HUWE1: variants seen among roughly 807,000 people sequenced by gnomAD.
HUWE1 encodes E3 ubiquitin-protein ligase HUWE1.
Under a neutral mutation model 299.4 loss-of-function variants are expected in HUWE1, and 18 were observed. The observed-to-expected ratio is 0.06, with a 90% confidence interval of 0.04 to 0.09. The LOEUF (loss-of-function observed/expected upper bound fraction) is 0.09, where lower values mean the gene tolerates loss of function less well. Among genes scored for constraint, HUWE1 ranks in the 10% least tolerant of loss-of-function variants. The pLI, the probability that HUWE1 is intolerant of heterozygous loss-of-function variation, is 1.00. For synonymous variants in HUWE1, 1,317 were observed against 1,286.1 expected (o/e 1.02, Z -0.51); for missense variants, 1,832 against 3,462.3 (o/e 0.53, Z 11.82).
At chrX:53,658,750 T>C (rs940044809) in intron 3 of HUWE1, among the ~76,000 whole-genome samples, 1 of 112,541 alleles carries the variant, frequency 8.9e-6, no homozygotes, top group Non-Finnish European at 1.9e-5. Flanking sequence ...TATTCTGCTC[T>C]GTAAAAGACA....
intron 43 of HUWE1, among the ~76,000 whole-genome samples, chrX:53,579,080 A>G (rs1383636471): frequency 1.3e-5 from 1 of 74,468 alleles, no homozygotes; most frequent in Non-Finnish European, 2.5e-5. Context: ...TGGGGGGGTC[A>G]GCCCTCCGCC....
At chrX:53,610,845 T>C (rs782546486) in intron 23 of HUWE1, among the ~76,000 whole-genome samples, 2 of 111,696 alleles carry the variant, frequency 1.8e-5, no homozygotes, top group East Asian at 5.6e-4. Flanking sequence ...TCTTTCAAGC[T>C]GCTCATGAGT....
chrX:53,658,353 T>C (rs1192714740), intron 3 of HUWE1, among the ~76,000 whole-genome samples: 8 of 111,626 alleles, frequency 7.2e-5, no homozygotes, highest in Admixed American at 1.9e-4. Flanking sequence ...ATATGAATAC[T>C]GACAAACTGA....
chrX:53,629,243 G>A (rs890680762), intron 13 of HUWE1, among the ~76,000 whole-genome samples: 2 of 111,572 alleles, frequency 1.8e-5, no homozygotes, highest in African/African-American at 6.5e-5. Flanking sequence ...CTGCATGCCA[G>A]AAGTGGAAAA....
intron 82 of HUWE1, 142 bp downstream of exon 82, chrX:53,534,374 G>A (rs186714528): frequency 3.0e-6 from 2 of 659,751 alleles, no homozygotes; most frequent in African/African-American, 2.2e-5. Flanking sequence ...TATGCTTCAG[G>A]AGAACAAAGA....
Position 53,647,565 on chromosome X carries a change from A to G in HUWE1, c.154T>C (p.Tyr52His), listed in dbSNP as rs2068137432. The G allele has an allele frequency of 1.7e-6, 2 of 1,198,933 alleles. No homozygotes were observed. Among genetic ancestry groups the G allele is most frequent in the East Asian group, 3.0e-5 (1 of 33,808 alleles). Residue 52 changes from tyrosine to histidine, a missense_variant, in exon 6 of 84, where the codon TAT becomes CAT. Coordinates refer to ENST00000262854, the MANE Select transcript of HUWE1 (RefSeq NM_031407.7). ...CGGTCCAACAGGTCCACCCAGTGAT[A>G]TAACTCGCACTGGAGAGGGGAGGAA... ...KTWNIGKCEL[Y>H]HWVDLLDRFD...
chrX:53,627,703 T>TA, intron 16 of HUWE1, 36 bp downstream of exon 16: 1 of 1,153,548 alleles, frequency 8.7e-7, no homozygotes, highest in South Asian at 1.8e-5. Context: ...CTCTGAGTAT[T>TA]AAATTCTGTG....
intron 43 of HUWE1, among the ~76,000 whole-genome samples, chrX:53,577,892 C>T (rs1446509069): frequency 1.8e-5 from 2 of 113,658 alleles, no homozygotes; most frequent in African/African-American, 6.3e-5. Flanking sequence ...CTCCCAGCCG[C>T]CTGCCTTGGC....
In HUWE1 at chrX:53,645,398, A is replaced by G; in HGVS notation, c.417T>C (p.Tyr139=). The G allele has an allele frequency of 8.3e-7, 1 of 1,209,610 alleles. No homozygotes were observed. Among genetic ancestry groups the G allele is most frequent in the Non-Finnish European group, 1.1e-6 (1 of 894,154 alleles). The change falls in exon 7 of 84, where the codon TAT becomes TAC. Residue 139 remains tyrosine (Y), a synonymous_variant. Coordinates refer to ENST00000262854, the MANE Select transcript of HUWE1 (RefSeq NM_031407.7). ...TGTAGTTTGATCTTTTGCTAAATACATATAGGAGATTGAGGACTGCCAGCA... is the reference window on the plus strand; with the variant it reads ...TGTAGTTTGATCTTTTGCTAAATACGTATAGGAGATTGAGGACTGCCAGCA... The part of the protein sequence containing the change: ...QVVLAVLNLL[Y]VFSKRSNYIT...
chrX:53,648,649 A>T (rs1557037939), intron 4 of HUWE1, among the ~76,000 whole-genome samples: 1 of 37,397 alleles, frequency 2.7e-5, no homozygotes, highest in Admixed American at 4.0e-4. Flanking sequence ...TAAGTTAAAC[A>T]TCTAAAAAAA....
chrX:53,652,772 A>C, intron 4 of HUWE1, among the ~76,000 whole-genome samples: 1 of 112,713 alleles, frequency 8.9e-6, no homozygotes, highest in Non-Finnish European at 1.9e-5. Context: ...GATAACTGAT[A>C]TAGAACAGTG....
rs782737329 is a variant in HUWE1, at chrX:53,538,817, C to A, written c.11878+18G>T. 1 of 1,197,841 alleles carries A rather than the reference C, an allele frequency of 8.3e-7. No individual in the cohort carries two copies. Among genetic ancestry groups the A allele is most frequent in the South Asian group, 1.8e-5 (1 of 55,273 alleles). ...AAATGAAGCCTTCTACACCTGGCAG[C>A]CTAAAAGTTCCCTGTACCTGCAAAG... On this transcript the variant is annotated intron_variant, in intron 76 of 83. Coordinates refer to ENST00000262854, the MANE Select transcript of HUWE1 (RefSeq NM_031407.7).
Position 53,533,171 on chromosome X carries a change from GCAGCTGGGA to G in HUWE1, c.*129_*137del. 2 of 491,876 alleles carry G rather than the reference GCAGCTGGGA, an allele frequency of 4.1e-6. No individual in the cohort carries two copies. The highest frequency in any genetic ancestry group is 7.4e-6 in the Non-Finnish European group (2 of 271,698). The allele number at this position is 491,876 out of a possible 1,213,427, so 40.5% of individuals were successfully genotyped here. ...ACAGGTATGCGCTGGGGAAGATGGG[GCAGCTGGGA>G]CACACACGGTGAGTTGGTGGATTTC... On this transcript the variant is annotated 3_prime_UTR_variant, in exon 84 of 84. Coordinates refer to ENST00000262854, the MANE Select transcript of HUWE1 (RefSeq NM_031407.7).
At chrX:53,656,987 T>A (rs1302153127) in intron 3 of HUWE1, among the ~76,000 whole-genome samples, 6 of 110,955 alleles carry the variant, frequency 5.4e-5, no homozygotes, top group African/African-American at 2.0e-4. Flanking sequence ...AAAGCAGACA[T>A]GCACAGGCAA....
intron 3 of HUWE1, among the ~76,000 whole-genome samples, chrX:53,660,058 G>A (rs2068923829): frequency 1.8e-5 from 2 of 111,897 alleles, no homozygotes; most frequent in Admixed American, 1.9e-4. Context: ...CAGAAAGACT[G>A]GATAATTAAT....
At chrX:53,587,829 T>C (rs1291575251) in intron 37 of HUWE1, among the ~76,000 whole-genome samples, 1 of 111,945 alleles carries the variant, frequency 8.9e-6, no homozygotes, top group Non-Finnish European at 1.9e-5. Flanking sequence ...CCAAGGTCAA[T>C]TGCCTCCTAG....
intron 7 of HUWE1, among the ~76,000 whole-genome samples, chrX:53,640,913 T>C (rs971128867): frequency 6.2e-5 from 7 of 112,184 alleles, no homozygotes; most frequent in Non-Finnish European, 1.1e-4. Context: ...TATGAAATAT[T>C]AGTGTGTTTA....
At chrX:53,552,475 TTA>T (rs2061805458) in intron 62 of HUWE1, 34 bp from the exon 63 acceptor site, 2 of 1,208,863 alleles carry the variant, frequency 1.7e-6, no homozygotes, top group Non-Finnish European at 2.2e-6. Context: ...GCTGTCTGTA[TTA>T]TGTCTTCTCG....
At position 53,538,722 on chromosome X, in the gene HUWE1, ACACTCT is replaced by A. The variant is rs1337350814; in HGVS notation, c.11878+107_11878+112del. 2.5e-3 allele frequency: 1,078 copies of A among 436,825 alleles called. 1 individual carries two copies. Among genetic ancestry groups the A allele is most frequent in the African/African-American group, 2.8e-3 (97 of 34,852 alleles). 36.0% of individuals were successfully genotyped at this position (436,825 alleles called of 1,213,427 possible). A position where few individuals can be genotyped will look rare whatever the true frequency, so the allele number is the denominator to read the frequency against. The stretch of plus-strand genomic sequence containing the variant: ...TACACACACACACACACACACACAC[ACACTCT>A]CTCTCTCTCTCTCTCTCTCTCTCTC... On this transcript the variant is annotated intron_variant, in intron 76 of 83. Transcript: ENST00000262854.
Sources: gnomAD v4.1 joint callset for allele counts (sites outside exome capture counted in the v4.1 genomes callset) on GRCh38, gnomAD v4.1.1 for gene constraint, MANE v1.5 for transcripts, NCBI Gene and HGNC (gene_info 2026-07-23, HGNC 2026-07-21) for gene names.